Variants in SORCS2 observed in about 807,000 individuals in gnomAD.
SORCS2 encodes the protein sortilin related VPS10 domain containing receptor 2, also known as VPS10 domain-containing receptor SorCS2.
A neutral mutation model predicts 141.6 loss-of-function variants in SORCS2; 100 were observed. The observed-to-expected ratio is 0.71, with a 90% confidence interval of 0.60 to 0.83. The LOEUF (loss-of-function observed/expected upper bound fraction) is 0.83, where lower values mean the gene tolerates loss of function less well. Ranked by LOEUF, SORCS2 falls within the 40% of genes least tolerant of loss-of-function variation. The pLI, the probability that SORCS2 is intolerant of heterozygous loss-of-function variation, is 0.00. For synonymous variants in SORCS2, 789 were observed against 676.9 expected, an observed-to-expected ratio of 1.17 and a Z score of -2.57; for missense variants, 1,646 against 1,560.2, an observed-to-expected ratio of 1.05 and a Z score of -0.93.
intron 1 of SORCS2, among the ~76,000 whole-genome samples, chr4:7,268,113 C>T (rs895429493): frequency 6.6e-6 from 1 of 152,184 alleles, no homozygotes; most frequent in African/African-American, 2.4e-5. Context: ...CTGGAGCTCC[C>T]TTCTCCCCTT....
At chr4:7,403,765 T>A (rs900491503) in intron 2 of SORCS2, among the ~76,000 whole-genome samples, 1 of 150,598 alleles carries the variant, frequency 6.6e-6, no homozygotes, top group Non-Finnish European at 1.5e-5. Flanking sequence ...GATTTATATA[T>A]ATATAAATTT....
chr4:7,446,817 T>C (rs1483066946), intron 2 of SORCS2, among the ~76,000 whole-genome samples: 1 of 152,250 alleles, frequency 6.6e-6, no homozygotes, highest in East Asian at 1.9e-4. Flanking sequence ...GACATGGAGA[T>C]AGGACCTGTG....
At chr4:7,415,015 A>T (rs2109166999) in intron 2 of SORCS2, among the ~76,000 whole-genome samples, 1 of 152,314 alleles carries the variant, frequency 6.6e-6, no homozygotes, top group South Asian at 2.1e-4. Flanking sequence ...TCTTATTTAC[A>T]TGAGAAGCAA....
intron 18 of SORCS2, 60 bp from the exon 19 acceptor site, chr4:7,723,637 C>A (rs1726752611): frequency 6.4e-7 from 1 of 1,571,106 alleles, no homozygotes; most frequent in Non-Finnish European, 8.7e-7. Flanking sequence ...GTGAATGAAC[C>A]ACTCTGGCCC....
chr4:7,262,373 T>TCCACCCAC (rs1714408586), intron 1 of SORCS2, among the ~76,000 whole-genome samples: 1 of 127,390 alleles, frequency 7.8e-6, no homozygotes, highest in Non-Finnish European at 1.7e-5. Context: ...CACCTATCCA[T>TCCACCCAC]CTATCCATCC....
intron 1 of SORCS2, among the ~76,000 whole-genome samples, chr4:7,372,743 C>A (rs1175970029): frequency 1.3e-5 from 2 of 152,138 alleles, no homozygotes; most frequent in African/African-American, 4.8e-5. Context: ...GTGGTCAACG[C>A]CCCCACCCCC....
intron 2 of SORCS2, among the ~76,000 whole-genome samples, chr4:7,511,820 A>G (rs940666020): frequency 7.2e-5 from 11 of 152,138 alleles, no homozygotes; most frequent in African/African-American, 2.2e-4. Flanking sequence ...AAATTCAGGC[A>G]AGCTTTGGCC....
chr4:7,376,717 A>G (rs903351062), intron 1 of SORCS2, among the ~76,000 whole-genome samples: 1 of 152,252 alleles, frequency 6.6e-6, no homozygotes, highest in Non-Finnish European at 1.5e-5. Context: ...GGGTTTATAC[A>G]TAGGTATGCC....
intron 5 of SORCS2, among the ~76,000 whole-genome samples, chr4:7,657,284 G>A (rs777984432): frequency 2.6e-5 from 4 of 152,250 alleles, no homozygotes; most frequent in Admixed American, 2.0e-4. Flanking sequence ...ATGGCTCAGT[G>A]AGTGATGAGT....
At chr4:7,395,791 A>G (rs560577495) in intron 1 of SORCS2, among the ~76,000 whole-genome samples, 18 of 152,272 alleles carry the variant, frequency 1.2e-4, no homozygotes, top group Admixed American at 7.8e-4. Flanking sequence ...CTCCAGGACA[A>G]GTAATGACAG....
chr4:7,339,217 T>C (rs1720218777), intron 1 of SORCS2, among the ~76,000 whole-genome samples: 2 of 152,186 alleles, frequency 1.3e-5, no homozygotes, highest in African/African-American at 4.8e-5. Context: ...ACAGCTACTC[T>C]TGGGTAGGAA....
chr4:7,699,973 G>T (rs1472107316), intron 12 of SORCS2, among the ~76,000 whole-genome samples: 3 of 152,172 alleles, frequency 2.0e-5, no homozygotes, highest in Non-Finnish European at 2.9e-5. Flanking sequence ...ATGTGCTCTT[G>T]TGACTCCCCA....
intron 1 of SORCS2, among the ~76,000 whole-genome samples, chr4:7,347,449 A>C (rs927699255): frequency 6.6e-6 from 1 of 152,230 alleles, no homozygotes; most frequent in Non-Finnish European, 1.5e-5. Flanking sequence ...TGGGCCCTCT[A>C]TATGCCTGTT....
intron 1 of SORCS2, among the ~76,000 whole-genome samples, chr4:7,204,430 C>T (rs1295100054): frequency 6.6e-6 from 1 of 152,086 alleles, no homozygotes; most frequent in Non-Finnish European, 1.5e-5. Context: ...ATTGCCCAGG[C>T]TGGTCTTAAA....
At chr4:7,738,467 C>T (rs1330704136) in intron 26 of SORCS2, among the ~76,000 whole-genome samples, 2 of 152,198 alleles carry the variant, frequency 1.3e-5, no homozygotes, top group African/African-American at 4.8e-5. Context: ...CCCCAGGGAC[C>T]CGGCGTCTCC....
chr4:7,370,358 C>T (rs1211040609), intron 1 of SORCS2, among the ~76,000 whole-genome samples: 2 of 152,150 alleles, frequency 1.3e-5, no homozygotes, highest in African/African-American at 4.8e-5. Flanking sequence ...GGGCTACCTG[C>T]TCTGAGCGTG....
At chr4:7,660,366 C>A (rs1056888239) in intron 5 of SORCS2, among the ~76,000 whole-genome samples, 3 of 152,206 alleles carry the variant, frequency 2.0e-5, no homozygotes, top group Non-Finnish European at 4.4e-5. Context: ...TCTCCTTTAT[C>A]TCTGTCCCCA....
At chr4:7,417,524 AT>A (rs1377107506) in intron 2 of SORCS2, among the ~76,000 whole-genome samples, 3 of 152,204 alleles carry the variant, frequency 2.0e-5, no homozygotes, top group Admixed American at 6.5e-5. Context: ...CAGCTCTGCC[AT>A]TTATGAGTGA....
chr4:7,669,561 C>T (rs1413073972), intron 8 of SORCS2, among the ~76,000 whole-genome samples: 1 of 152,242 alleles, frequency 6.6e-6, no homozygotes, highest in Non-Finnish European at 1.5e-5. Context: ...TGAATTTCCT[C>T]ATCAGATGTT....
Sources: allele counts gnomAD v4.1 joint callset (sites outside exome capture counted in the v4.1 genomes callset), GRCh38; gene constraint gnomAD v4.1.1; transcripts MANE v1.5; gene names NCBI Gene and HGNC (gene_info 2026-07-23, HGNC 2026-07-21).